The following PCDHA6 variants were observed in gnomAD, a reference collection of about 807,000 sequenced individuals.
The protein encoded by PCDHA6 is protocadherin alpha 6.
A neutral mutation model predicts 60.3 loss-of-function variants in PCDHA6; 55 were observed. That is an observed-to-expected ratio of 0.91 (90% confidence interval 0.73 to 1.14). The LOEUF is 1.14. Among genes scored for constraint, PCDHA6 ranks in the 50% most tolerant of loss-of-function variants. The pLI is 0.00. For synonymous variants in PCDHA6, 652 were observed against 557.9 expected (o/e 1.17, Z -2.38); for missense variants, 1,327 against 1,256.5 (o/e 1.06, Z -0.85).
At chr5:140,882,907 A>T (rs11744560) in intron 1 of PCDHA6, 226,049 of 1,614,134 alleles carry the variant, frequency 0.14, 16,618 homozygotes, top group Middle Eastern at 0.18. Context: ...TATTACTGAC[A>T]GCCAGTGATG....
intron 1 of PCDHA6, chr5:140,929,179 G>C: frequency 6.2e-7 from 1 of 1,614,104 alleles, no homozygotes. Context: ...TCTGGGACTT[G>C]GTTCTGATAA....
intron 1 of PCDHA6, among the ~76,000 whole-genome samples, chr5:140,978,417 A>G (rs2096800848): frequency 6.6e-6 from 1 of 152,158 alleles, no homozygotes. Context: ...CAGAAAAGAG[A>G]CTGTTATCAG....
At chr5:140,970,854 T>TG (rs1554232785) in intron 1 of PCDHA6, among the ~76,000 whole-genome samples, 1 of 152,148 alleles carries the variant, frequency 6.6e-6, no homozygotes, top group Non-Finnish European at 1.5e-5. Context: ...GCACAAAAGT[T>TG]CCATTCCTGA....
In PCDHA6 at chr5:140,830,227, C is replaced by G. The variant is rs2150183026; in HGVS notation, c.2136C>G (p.Val712=). 2.1e-5 allele frequency: 34 copies of G among 1,613,900 alleles called. No individual in the cohort carries two copies. The African/African-American group carries it at 3.6e-4, about 17-fold the overall frequency. ...TCTGCGCGGTATCCAGCCTGCTGGT[C>G]CTCACGCTACTGCTGTACACAGCGC... ...IAICAVSSLL[V]LTLLLYTALR... The change falls in exon 1 of 4, where the codon GTC becomes GTG. Residue 712 remains valine (V), a synonymous_variant. Coordinates refer to ENST00000529310, the MANE Select transcript of PCDHA6 (RefSeq NM_018909.4).
intron 1 of PCDHA6, among the ~76,000 whole-genome samples, chr5:140,874,733 A>G (rs929245096): frequency 6.6e-6 from 1 of 152,244 alleles, no homozygotes; most frequent in Non-Finnish European, 1.5e-5. Context: ...TATCACATTC[A>G]AGCATCAAGG....
At chr5:140,881,048 C>T (rs1409752539) in intron 1 of PCDHA6, among the ~76,000 whole-genome samples, 1 of 152,142 alleles carries the variant, frequency 6.6e-6, no homozygotes, top group Non-Finnish European at 1.5e-5. Context: ...TAGAGTTGTG[C>T]ACAGAACAGG....
chr5:140,842,487 T>G, intron 1 of PCDHA6: 3 of 1,613,936 alleles, frequency 1.9e-6, no homozygotes, highest in Non-Finnish European at 2.5e-6. Context: ...ACCTGCTCCC[T>G]GATGCCCCAT....
intron 1 of PCDHA6, chr5:140,876,227 C>T (rs782218758): frequency 2.5e-6 from 4 of 1,613,794 alleles, no homozygotes; most frequent in South Asian, 2.2e-5. Flanking sequence ...GTAGTGTTGT[C>T]TGAAAATGTC....
At chr5:140,919,012 C>T (rs1411489160) in intron 1 of PCDHA6, among the ~76,000 whole-genome samples, 1 of 152,164 alleles carries the variant, frequency 6.6e-6, no homozygotes, top group Non-Finnish European at 1.5e-5. Flanking sequence ...CTTTCATTTC[C>T]TAGTGATCTT....
rs2150493815 is a variant in PCDHA6 at position 140,850,683 on chromosome 5, G to A, written c.2394+20198G>A. 6 of 1,598,480 alleles carry A rather than the reference G, an allele frequency of 3.8e-6. No individual in the cohort carries two copies. The East Asian group carries it at 1.1e-4, about 30-fold the overall frequency. On this transcript the variant is annotated intron_variant, in intron 1 of 3. Coordinates refer to ENST00000529310, the MANE Select transcript of PCDHA6 (RefSeq NM_018909.4). ...GCGGTGCTCGGCGATGCCCACCGAG[G>A]GCGAGTGCGCGCCTGGCAAGCCGAC...
Position 140,853,160 on chromosome 5 carries a change from T to C in PCDHA6, c.2394+22675T>C, listed in dbSNP as rs2150529157. 1.0e-3 allele frequency: 954 copies of C among 925,650 alleles called. 57 individuals carry two copies. The highest frequency in any genetic ancestry group is 1.2e-3 in the Non-Finnish European group (917 of 763,430). 57.3% of individuals were successfully genotyped at this position (925,650 alleles called of 1,614,324 possible). ...TCCCAAAATGCTGGGATTACAGGCG[T>C]GAGCCACCGCGCCTGGCCTAAAATG... On this transcript the variant is annotated intron_variant, in intron 1 of 3. Transcript: ENST00000529310.
At chr5:140,975,084 T>C (rs1353727401) in intron 1 of PCDHA6, among the ~76,000 whole-genome samples, 1 of 152,140 alleles carries the variant, frequency 6.6e-6, no homozygotes, top group African/African-American at 2.4e-5. Context: ...GTTGGCAGAA[T>C]CCAGTTGTTT....
Position 141,003,329 on chromosome 5 carries a change from T to C in PCDHA6, c.2543-6298T>C, listed in dbSNP as rs571160293. On this transcript the variant is annotated intron_variant, in intron 3 of 3. Transcript: ENST00000529310. ...GGCCAGCTACTTCCAGAGGGCAGGG[T>C]TTTTTGTTTGTTTGCTCTGTCACCC... Among the ~76,000 whole-genome samples the C allele has an allele frequency of 7.2e-5, 11 of 152,118 alleles. No homozygotes were observed. The South Asian group carries it at 2.3e-3, about 32-fold the overall frequency.
At chr5:140,871,219 G>A in intron 1 of PCDHA6, 1 of 1,613,872 alleles carries the variant, frequency 6.2e-7, no homozygotes, top group African/African-American at 1.3e-5. Flanking sequence ...CATCTGCGTG[G>A]TGTCCAGCCT....
intron 3 of PCDHA6, among the ~76,000 whole-genome samples, chr5:141,005,701 CAAAAAAAAAAAAAAAAA>C (rs59860837): frequency 2.6e-4 from 2 of 7,786 alleles, no homozygotes; most frequent in East Asian, 6.3e-3. Flanking sequence ...AACTCCGTCT[CAAAAAAAAAAAAAAAAA>C]AAAAAAAAAA....
intron 3 of PCDHA6, among the ~76,000 whole-genome samples, chr5:141,000,648 G>A (rs559996046): frequency 8.9e-4 from 134 of 150,894 alleles, no homozygotes; most frequent in African/African-American, 2.6e-3. Flanking sequence ...GGCTGGTCTC[G>A]AACTCCTGAC....
intron 1 of PCDHA6, chr5:140,875,787 C>A (rs2055811364): frequency 6.2e-7 from 1 of 1,614,082 alleles, no homozygotes; most frequent in Non-Finnish European, 8.5e-7. Context: ...GCAGTATCCA[C>A]CTGGAGGTGA....
chr5:140,879,824 T>G (rs946010713), intron 1 of PCDHA6, among the ~76,000 whole-genome samples: 2 of 152,250 alleles, frequency 1.3e-5, no homozygotes, highest in Non-Finnish European at 2.9e-5. Context: ...TGGTGTTCCC[T>G]GGCTTGTGGC....
chr5:140,845,302 C>A lies in PCDHA6; in HGVS notation c.2394+14817C>A, dbSNP rs2150378107. On this transcript the variant is annotated intron_variant, in intron 1 of 3. Coordinates refer to ENST00000529310, the MANE Select transcript of PCDHA6 (RefSeq NM_018909.4). ...TATTTCCTATCCTGTCTATGTCTAC[C>A]TGGTTCTCAGGTATTACTTTAATTA... is the stretch of plus-strand genomic sequence containing the variant. 3.4e-5 allele frequency among the ~76,000 whole-genome samples: 5 copies of A among 148,988 alleles called. 1 individual carries two copies. Among genetic ancestry groups the A allele is most frequent in the Non-Finnish European group, 6.0e-5 (4 of 66,584 alleles).
Sources: allele counts gnomAD v4.1 joint callset (sites outside exome capture counted in the v4.1 genomes callset), GRCh38; gene constraint gnomAD v4.1.1; transcripts MANE v1.5; gene names NCBI Gene and HGNC (gene_info 2026-07-23, HGNC 2026-07-21).